LRRC20: variants seen among roughly 807,000 people sequenced by gnomAD.
LRRC20 encodes the protein leucine rich repeat containing 20, also known as leucine-rich repeat-containing protein 20.
In LRRC20, 11 loss-of-function variants were observed where a neutral mutation model predicts 14.4. The ratio of observed to expected loss-of-function variants is 0.77; its 90% confidence interval spans 0.48 to 1.27. The LOEUF (loss-of-function observed/expected upper bound fraction) is 1.27. Ranked by LOEUF, LRRC20 falls within the 50% of genes most tolerant of loss-of-function variation. The probability of loss-of-function intolerance (pLI) is 0.00; values close to 1 mark genes in which losing one functional copy is unlikely to be tolerated. For missense variants in LRRC20, 219 were observed against 251.2 expected (o/e 0.87, Z 0.87); for synonymous variants, 121 against 107.3 (o/e 1.13, Z -0.79).
At chr10:70,339,344 T>C (rs1842827114) in intron 3 of LRRC20, among the ~76,000 whole-genome samples, 1 of 152,146 alleles carries the variant, frequency 6.6e-6, no homozygotes. Context: ...ATGGTGCTGT[T>C]ACAAATCCTT....
intron 4 of LRRC20, among the ~76,000 whole-genome samples, chr10:70,309,970 T>C (rs1036583151): frequency 1.3e-5 from 2 of 152,268 alleles, no homozygotes; most frequent in African/African-American, 4.8e-5. Context: ...AGCTGGCCTC[T>C]CCAGGGTCTG....
At chr10:70,330,527 A>T (rs1842499163) in intron 3 of LRRC20, among the ~76,000 whole-genome samples, 1 of 152,126 alleles carries the variant, frequency 6.6e-6, no homozygotes. Flanking sequence ...TCAGTCACCC[A>T]CTTGTCCAAC....
intron 4 of LRRC20, among the ~76,000 whole-genome samples, chr10:70,308,831 C>A (rs1205775908): frequency 6.6e-6 from 1 of 152,176 alleles, no homozygotes; most frequent in Non-Finnish European, 1.5e-5. Flanking sequence ...GCTAGGAGTG[C>A]CCACTCACCT....
chr10:70,341,976 G>C (rs998824830), intron 2 of LRRC20, among the ~76,000 whole-genome samples: 3 of 151,994 alleles, frequency 2.0e-5, no homozygotes, highest in Non-Finnish European at 2.9e-5. Flanking sequence ...ATGGAGGGTG[G>C]GGGAGTTCTT....
rs180743589 is a variant in LRRC20, at chr10:70,323,824, G to C, written c.400+39C>G. On this transcript the variant is annotated intron_variant, in intron 4 of 4. Coordinates refer to ENST00000446961, the MANE Select transcript of LRRC20 (RefSeq NM_001278212.2). The stretch of plus-strand genomic sequence containing the variant: ...GAGTCCTGTGGCCCATGAGCGCCTC[G>C]TGCAGCAGCCCAGGGCCAGGTGGGC... 5.0e-6 allele frequency: 8 copies of C among 1,610,158 alleles called. No individual in the cohort carries two copies. In the Admixed American group the frequency reaches 1.3e-4, roughly 27 times the overall value.
At chr10:70,302,696 GA>G (rs1168413838) in intron 4 of LRRC20, among the ~76,000 whole-genome samples, 1 of 151,838 alleles carries the variant, frequency 6.6e-6, no homozygotes, top group East Asian at 1.9e-4. Context: ...AACATAGTGA[GA>G]CCCCAGTCTC....
chr10:70,317,537 A>C (rs1289788027), intron 4 of LRRC20, among the ~76,000 whole-genome samples: 1 of 151,948 alleles, frequency 6.6e-6, no homozygotes, highest in African/African-American at 2.4e-5. Flanking sequence ...ATGCCTGGCT[A>C]ATGTTTTTTT....
intron 3 of LRRC20, among the ~76,000 whole-genome samples, chr10:70,334,567 C>T (rs918154745): frequency 1.3e-5 from 2 of 152,248 alleles, no homozygotes; most frequent in Middle Eastern, 3.4e-3. Context: ...CCCCAAATAC[C>T]GCCTAAGACT....
chr10:70,322,905 G>A (rs80239556), intron 4 of LRRC20, among the ~76,000 whole-genome samples: 2,643 of 151,754 alleles, frequency 0.017, 85 homozygotes, highest in African/African-American at 0.061. Context: ...ATGGGCACTC[G>A]CACCACAGGA....
At chr10:70,320,046 G>A (rs1198219149) in intron 4 of LRRC20, among the ~76,000 whole-genome samples, 1 of 152,162 alleles carries the variant, frequency 6.6e-6, no homozygotes, top group Non-Finnish European at 1.5e-5. Context: ...TTTGGCCACA[G>A]GCAGAGAAAA....
At chr10:70,332,658 G>C (rs575235569) in intron 3 of LRRC20, among the ~76,000 whole-genome samples, 5 of 152,174 alleles carry the variant, frequency 3.3e-5, no homozygotes, top group Non-Finnish European at 7.3e-5. Context: ...AAAAGACTAA[G>C]GTAGCTCTTT....
At chr10:70,324,901 A>T (rs1232784438) in intron 3 of LRRC20, among the ~76,000 whole-genome samples, 4 of 152,176 alleles carry the variant, frequency 2.6e-5, no homozygotes, top group Non-Finnish European at 2.9e-5. Flanking sequence ...CCCCGCAGAA[A>T]GGACATCGTC....
At chr10:70,311,034 T>A (rs1292175088) in intron 4 of LRRC20, among the ~76,000 whole-genome samples, 1 of 152,200 alleles carries the variant, frequency 6.6e-6, no homozygotes, top group African/African-American at 2.4e-5. Context: ...TACACTCACA[T>A]ACCTACGTAT....
intron 2 of LRRC20, among the ~76,000 whole-genome samples, chr10:70,372,444 C>T (rs117726930): frequency 4.0e-4 from 39 of 96,982 alleles, no homozygotes; most frequent in Non-Finnish European, 5.6e-4. Flanking sequence ...TCCTTCTTTT[C>T]GTTTTTTTTT....
intron 3 of LRRC20, among the ~76,000 whole-genome samples, chr10:70,331,408 A>T (rs997347680): frequency 6.6e-6 from 1 of 152,316 alleles, no homozygotes; most frequent in Admixed American, 6.5e-5. Flanking sequence ...ATGGCCCCAA[A>T]CCAGGCATTT....
chr10:70,311,037 C>CT (rs1564612254), intron 4 of LRRC20, among the ~76,000 whole-genome samples: 1 of 152,074 alleles, frequency 6.6e-6, no homozygotes, highest in Non-Finnish European at 1.5e-5. Flanking sequence ...ACTCACATAC[C>CT]TACGTATTTC....
chr10:70,360,460 A>T (rs1452734519), intron 2 of LRRC20, among the ~76,000 whole-genome samples: 1 of 149,828 alleles, frequency 6.7e-6, no homozygotes, highest in Non-Finnish European at 1.5e-5. Context: ...CTTTTGAGAC[A>T]GGGTCTCACT....
chr10:70,341,097 T>G (rs547509257), intron 2 of LRRC20, among the ~76,000 whole-genome samples: 1 of 152,312 alleles, frequency 6.6e-6, no homozygotes, highest in Admixed American at 6.5e-5. Context: ...TGCTTTACAA[T>G]AGTCTACTTC....
At chr10:70,348,164 A>T (rs10999283) in intron 2 of LRRC20, among the ~76,000 whole-genome samples, 44,298 of 152,048 alleles carry the variant, frequency 0.29, 6,962 homozygotes, top group East Asian at 0.48. Context: ...TACCCAGAAC[A>T]GCCTGGCTGC....
Sources: allele counts gnomAD v4.1 joint callset (sites outside exome capture counted in the v4.1 genomes callset), GRCh38; gene constraint gnomAD v4.1.1; transcripts MANE v1.5; gene names NCBI Gene and HGNC (gene_info 2026-07-23, HGNC 2026-07-21).